Variants in KANK1 observed in about 807,000 individuals in gnomAD.
KANK1 encodes the protein KN motif and ankyrin repeat domain-containing protein 1.
In KANK1, 109 loss-of-function variants were observed where a neutral mutation model predicts 106.2. The ratio of observed to expected loss-of-function variants is 1.03; its 90% CI spans 0.88 to 1.20. KANK1 has a LOEUF of 1.20. KANK1 is among the 50% of genes most tolerant of loss of function. KANK1 has a pLI of 0.00. For missense variants in KANK1, 2,399 were observed against 1,710.7 expected (o/e 1.40, Z -7.10); for synonymous variants, 873 against 652.2 (o/e 1.34, Z -5.16).
intron 1 of KANK1, among the ~76,000 whole-genome samples, chr9:648,484 C>G (rs1416402727): frequency 6.6e-6 from 1 of 152,058 alleles, no homozygotes; most frequent in African/African-American, 2.4e-5. Flanking sequence ...TGAAATTTAT[C>G]CATTCATGCA....
intron 1 of KANK1, among the ~76,000 whole-genome samples, chr9:599,528 T>G (rs1008556017): frequency 6.6e-6 from 1 of 151,802 alleles, no homozygotes; most frequent in African/African-American, 2.4e-5. Flanking sequence ...TAACTTACTA[T>G]TTTACATAAT....
intron 3 of KANK1, among the ~76,000 whole-genome samples, chr9:729,306 T>A (rs931094541): frequency 3.9e-5 from 6 of 152,018 alleles, no homozygotes; most frequent in Non-Finnish European, 8.8e-5. Context: ...GTATCACAGA[T>A]CCCCAGGAGA....
intron 1 of KANK1, among the ~76,000 whole-genome samples, chr9:589,485 A>T (rs1427916209): frequency 6.6e-6 from 1 of 152,116 alleles, no homozygotes; most frequent in African/African-American, 2.4e-5. Flanking sequence ...AAACTTAGAT[A>T]TACTAAAAGA....
At chr9:673,176 A>T (rs999432612) in intron 1 of KANK1, among the ~76,000 whole-genome samples, 2 of 143,248 alleles carry the variant, frequency 1.4e-5, no homozygotes, top group Non-Finnish European at 3.0e-5. Context: ...CACTGCCAGG[A>T]TTCACACCCA....
At chr9:596,303 G>A (rs1286970867) in intron 1 of KANK1, among the ~76,000 whole-genome samples, 1 of 151,862 alleles carries the variant, frequency 6.6e-6, no homozygotes, top group Non-Finnish European at 1.5e-5. Context: ...CCACATCCCT[G>A]TGTATGGGCT....
chr9:560,208 A>C (rs1816024228), intron 1 of KANK1, among the ~76,000 whole-genome samples: 2 of 152,208 alleles, frequency 1.3e-5, no homozygotes, highest in South Asian at 4.1e-4. Context: ...TACTTATTGG[A>C]GAGAGAATTT....
intron 1 of KANK1, among the ~76,000 whole-genome samples, chr9:644,122 G>A (rs1262474439): frequency 1.3e-5 from 2 of 151,054 alleles, no homozygotes; most frequent in Admixed American, 6.6e-5. Context: ...TCAGTAGAAT[G>A]CTAATAATGT....
chr9:681,588 A>ATG (rs1563979199), intron 2 of KANK1, among the ~76,000 whole-genome samples: 9 of 152,144 alleles, frequency 5.9e-5, no homozygotes, highest in African/African-American at 1.7e-4. Context: ...GTGGTTGTGC[A>ATG]GGGAAAAAAA....
intron 3 of KANK1, among the ~76,000 whole-genome samples, chr9:489,416 G>C (rs1254407631): frequency 1.3e-5 from 2 of 152,110 alleles, no homozygotes; most frequent in Non-Finnish European, 2.9e-5. Flanking sequence ...TTGAATTTCA[G>C]ATAAACAATG....
chr9:712,249 G>A lies in KANK1; in HGVS notation c.1483G>A (p.Ala495Thr), dbSNP rs1444350424. ...TAAACTGAAACAAGAGCTGCAGGCTGCTGGATCGAGGAAAAAGGTTGACAA... is the reference window on the plus strand; with the variant it reads ...TAAACTGAAACAAGAGCTGCAGGCTACTGGATCGAGGAAAAAGGTTGACAA... ...MTKLKQELQA[A>T]GSRKKVDKAT... Residue 495 changes from alanine (A) to threonine (T), a missense_variant, in exon 3 of 12, where the codon GCT becomes ACT. Coordinates refer to ENST00000382297, the MANE Select transcript of KANK1 (RefSeq NM_015158.5). 6.2e-7 allele frequency: 1 copy of A among 1,614,168 alleles called. No individual in the cohort carries two copies. The highest frequency in any genetic ancestry group is 8.5e-7 in the Non-Finnish European group (1 of 1,180,010).
intron 1 of KANK1, among the ~76,000 whole-genome samples, chr9:655,827 C>A (rs1044420886): frequency 6.6e-6 from 1 of 152,204 alleles, no homozygotes; most frequent in Non-Finnish European, 1.5e-5. Flanking sequence ...TTTGTTTTTG[C>A]TTCTCCCTAC....
At chr9:665,506 A>G (rs1011640490) in intron 1 of KANK1, among the ~76,000 whole-genome samples, 15 of 152,270 alleles carry the variant, frequency 9.9e-5, no homozygotes, top group Admixed American at 3.3e-4. Context: ...TGGGTTCACT[A>G]TTCTGTTCAG....
At chr9:590,115 G>A (rs1824474284) in intron 1 of KANK1, among the ~76,000 whole-genome samples, 1 of 152,198 alleles carries the variant, frequency 6.6e-6, no homozygotes, top group East Asian at 1.9e-4. Context: ...TACCAAAGCA[G>A]CTGTTGGGCT....
intron 1 of KANK1, among the ~76,000 whole-genome samples, chr9:589,718 A>C (rs1824369607): frequency 6.6e-6 from 1 of 152,194 alleles, no homozygotes. Context: ...AGAGGGCTGA[A>C]GGATTGTGGC....
upstream of KANK1, among the ~76,000 whole-genome samples, chr9:504,514 G>A (rs887566875): frequency 6.7e-6 from 1 of 150,222 alleles, no homozygotes; most frequent in Non-Finnish European, 1.5e-5. Context: ...GGCTTCGCCG[G>A]CCCGCGCCGT....
At chr9:618,147 C>T (rs1436566701) in intron 1 of KANK1, among the ~76,000 whole-genome samples, 1 of 152,110 alleles carries the variant, frequency 6.6e-6, no homozygotes, top group Non-Finnish European at 1.5e-5. Flanking sequence ...GGTTAAAGCC[C>T]ATGTAATATA....
At chr9:580,964 G>C (rs1373310145) in intron 1 of KANK1, among the ~76,000 whole-genome samples, 1 of 152,210 alleles carries the variant, frequency 6.6e-6, no homozygotes, top group Non-Finnish European at 1.5e-5. Flanking sequence ...AGCGCTGGCA[G>C]GCTGACACTG....
intron 1 of KANK1, among the ~76,000 whole-genome samples, chr9:542,145 G>C (rs193253022): frequency 7.3e-6 from 1 of 137,398 alleles, no homozygotes. Context: ...AAGACATACA[G>C]ATGACCAACA....
intron 1 of KANK1, among the ~76,000 whole-genome samples, chr9:614,787 A>G (rs1473792030): frequency 6.6e-6 from 1 of 152,206 alleles, no homozygotes; most frequent in Non-Finnish European, 1.5e-5. Context: ...GATCTTTTAA[A>G]GAAATGTATA....
Sources: allele counts gnomAD v4.1 joint callset (sites outside exome capture counted in the v4.1 genomes callset), GRCh38; gene constraint gnomAD v4.1.1; transcripts MANE v1.5; gene names NCBI Gene and HGNC (gene_info 2026-07-23, HGNC 2026-07-21).